The following GRIP1 variants were observed in gnomAD, a reference collection of about 807,000 sequenced individuals.
GRIP1 encodes the protein glutamate receptor interacting protein 1, also known as glutamate receptor-interacting protein 1.
A neutral mutation model predicts 129.9 loss-of-function variants in GRIP1; 45 were observed. The observed-to-expected ratio is 0.35, with a 90% CI of 0.27 to 0.44. The LOEUF (loss-of-function observed/expected upper bound fraction) is 0.44, where lower values mean the gene tolerates loss of function less well. Among genes scored for constraint, GRIP1 ranks in the 20% least tolerant of loss-of-function variants. The pLI is 1.00. For missense variants in GRIP1, 1,196 were observed against 1,396.8 expected (o/e 0.86, Z 2.29); for synonymous variants, 530 against 520.8 (o/e 1.02, Z -0.24).
At chr12:66,945,736 G>A (rs918719376) in intron 1 of GRIP1, among the ~76,000 whole-genome samples, 1 of 152,284 alleles carries the variant, frequency 6.6e-6, no homozygotes, top group East Asian at 1.9e-4. Flanking sequence ...GATTTGGGAA[G>A]ACAAATATCT....
chr12:66,994,213 A>G (rs1052306336), intron 1 of GRIP1, among the ~76,000 whole-genome samples: 2 of 151,972 alleles, frequency 1.3e-5, no homozygotes, highest in African/African-American at 4.8e-5. Context: ...AAAAAAAGCT[A>G]TAGACAATTA....
chr12:66,524,278 G>C (rs1264011710), intron 5 of GRIP1, among the ~76,000 whole-genome samples: 2 of 152,166 alleles, frequency 1.3e-5, no homozygotes, highest in African/African-American at 4.8e-5. Context: ...ATAGTTGGAA[G>C]TAAAGCACCC....
chr12:66,674,056 A>G (rs766147305), intron 1 of GRIP1, among the ~76,000 whole-genome samples: 5 of 152,138 alleles, frequency 3.3e-5, no homozygotes, highest in Admixed American at 1.3e-4. Context: ...GAGGTGGAGG[A>G]TACAGTTAAG....
chr12:66,467,053 G>A (rs944755370), intron 7 of GRIP1, among the ~76,000 whole-genome samples: 1 of 152,134 alleles, frequency 6.6e-6, no homozygotes, highest in Non-Finnish European at 1.5e-5. Context: ...CAGTGCTAAG[G>A]ATTCTTGTAT....
intron 1 of GRIP1, among the ~76,000 whole-genome samples, chr12:67,046,461 T>C (rs2043255770): frequency 6.6e-6 from 1 of 152,256 alleles, no homozygotes; most frequent in South Asian, 2.1e-4. Flanking sequence ...CATGACTGAA[T>C]TTCATGTTAA....
intron 14 of GRIP1, among the ~76,000 whole-genome samples, chr12:66,426,067 C>T (rs558604080): frequency 1.3e-5 from 2 of 152,164 alleles, no homozygotes; most frequent in South Asian, 4.2e-4. Flanking sequence ...CCCATCATGC[C>T]CTGCTGCTCC....
At chr12:66,903,906 T>C (rs2137281426) in intron 1 of GRIP1, among the ~76,000 whole-genome samples, 1 of 152,298 alleles carries the variant, frequency 6.6e-6, no homozygotes, top group East Asian at 1.9e-4. Context: ...AGTTAAACTC[T>C]TCTCTACTTT....
At chr12:66,498,053 C>A (rs1448456697) in intron 7 of GRIP1, among the ~76,000 whole-genome samples, 1 of 152,150 alleles carries the variant, frequency 6.6e-6, no homozygotes, top group Non-Finnish European at 1.5e-5. Context: ...AGAGAACAAA[C>A]CCTCTTTGAC....
chr12:66,889,939 T>C (rs2040630220), intron 1 of GRIP1, among the ~76,000 whole-genome samples: 1 of 152,082 alleles, frequency 6.6e-6, no homozygotes, highest in African/African-American at 2.4e-5. Flanking sequence ...TGTTTTTTGT[T>C]TTTTTTATCT....
At chr12:66,768,476 C>T (rs960442959) in intron 1 of GRIP1, among the ~76,000 whole-genome samples, 20 of 152,206 alleles carry the variant, frequency 1.3e-4, no homozygotes, top group South Asian at 6.2e-4. Context: ...ATACAGATGA[C>T]GCACCTCAGT....
chr12:66,451,400 T>G (rs1220994020), intron 11 of GRIP1, among the ~76,000 whole-genome samples: 5 of 110,030 alleles, frequency 4.5e-5, no homozygotes, highest in Admixed American at 9.4e-5. Flanking sequence ...TTTTTTTTTT[T>G]TTTTTTTTTT....
chr12:66,974,117 G>T (rs1422657968), intron 1 of GRIP1, among the ~76,000 whole-genome samples: 1 of 151,796 alleles, frequency 6.6e-6, no homozygotes, highest in Non-Finnish European at 1.5e-5. Flanking sequence ...TAGAGATGGG[G>T]TTTCTCATGT....
chr12:66,769,616 G>A (rs971235758), intron 1 of GRIP1, among the ~76,000 whole-genome samples: 1 of 151,994 alleles, frequency 6.6e-6, no homozygotes, highest in African/African-American at 2.4e-5. Context: ...CAGTCATGGA[G>A]AAAAGTCTGT....
intron 1 of GRIP1, among the ~76,000 whole-genome samples, chr12:66,667,918 A>G (rs1321810554): frequency 6.6e-6 from 1 of 152,182 alleles, no homozygotes; most frequent in Admixed American, 6.5e-5. Flanking sequence ...TTCCATGGCC[A>G]GGAAGGGTGG....
chr12:66,850,961 G>A (rs2039900524), intron 1 of GRIP1, among the ~76,000 whole-genome samples: 1 of 148,094 alleles, frequency 6.8e-6, no homozygotes, highest in East Asian at 2.0e-4. Context: ...TAATAATGCA[G>A]CTAAGGTATC....
intron 2 of GRIP1, among the ~76,000 whole-genome samples, chr12:66,589,206 C>CTCTCTCTG (rs2063759166): frequency 7.0e-6 from 1 of 142,788 alleles, no homozygotes; most frequent in African/African-American, 2.6e-5. Flanking sequence ...CTCTCTCTCT[C>CTCTCTCTG]TCTCTCTCTC....
intron 1 of GRIP1, among the ~76,000 whole-genome samples, chr12:66,693,089 A>G (rs2035034956): frequency 6.6e-6 from 1 of 152,138 alleles, no homozygotes; most frequent in African/African-American, 2.4e-5. Context: ...GAATGTTGTT[A>G]TAATAGTAAC....
intron 7 of GRIP1, among the ~76,000 whole-genome samples, chr12:66,468,501 G>A (rs1173594240): frequency 6.6e-6 from 1 of 152,126 alleles, no homozygotes; most frequent in South Asian, 2.1e-4. Context: ...TATAAGAAGT[G>A]GCTATTTAAA....
At chr12:66,555,996 G>A (rs572531738) in intron 2 of GRIP1, among the ~76,000 whole-genome samples, 32 of 152,172 alleles carry the variant, frequency 2.1e-4, no homozygotes, top group Middle Eastern at 6.8e-3. Context: ...GGGATGTAGA[G>A]ACAGATATTA....
Sources: allele counts gnomAD v4.1 joint callset (sites outside exome capture counted in the v4.1 genomes callset), GRCh38; gene constraint gnomAD v4.1.1; transcripts MANE v1.5; gene names NCBI Gene and HGNC (gene_info 2026-07-23, HGNC 2026-07-21).